The following TPST1 variants were observed in gnomAD, a reference collection of about 807,000 sequenced individuals.
TPST1 encodes tyrosylprotein sulfotransferase 1, also known as protein-tyrosine sulfotransferase 1.
A neutral mutation model predicts 34.8 loss-of-function variants in TPST1; 20 were observed. The observed-to-expected ratio is 0.57, with a 90% CI of 0.40 to 0.84. The LOEUF (loss-of-function observed/expected upper bound fraction) is 0.84. Ranked by LOEUF, TPST1 falls within the 40% of genes least tolerant of loss-of-function variation. The probability of loss-of-function intolerance (pLI) is 0.00; values close to 1 mark genes in which losing one functional copy is unlikely to be tolerated. For synonymous variants in TPST1, 152 were observed against 159.4 expected (o/e 0.95, Z 0.35); for missense variants, 353 against 455.5 (o/e 0.78, Z 2.05).
intron 2 of TPST1, among the ~76,000 whole-genome samples, chr7:66,260,259 A>G (rs780330277): frequency 6.6e-6 from 1 of 152,192 alleles, no homozygotes; most frequent in Non-Finnish European, 1.5e-5. Flanking sequence ...TTTATGTTTC[A>G]TATTACACCT....
intron 2 of TPST1, among the ~76,000 whole-genome samples, chr7:66,262,689 G>A (rs774922097): frequency 1.5e-4 from 23 of 152,232 alleles, no homozygotes; most frequent in Non-Finnish European, 2.8e-4. Flanking sequence ...AGTCTAGGCC[G>A]GGTAGACTTT....
chr7:66,334,870 C>T (rs1243720257), intron 3 of TPST1, among the ~76,000 whole-genome samples: 1 of 152,018 alleles, frequency 6.6e-6, no homozygotes, highest in Non-Finnish European at 1.5e-5. Context: ...TCAGTCTCCT[C>T]ACTGGTCTGG....
chr7:66,356,774 C>A (rs1584265257), intron 4 of TPST1, 51 bp from the exon 5 acceptor site: 1 of 1,612,464 alleles, frequency 6.2e-7, no homozygotes, highest in South Asian at 1.1e-5. Flanking sequence ...GGTCACTTCT[C>A]ATGCTGACCA....
intron 3 of TPST1, among the ~76,000 whole-genome samples, chr7:66,305,439 T>C (rs1791403180): frequency 6.6e-6 from 1 of 152,222 alleles, no homozygotes; most frequent in South Asian, 2.1e-4. Context: ...TAATATCCCG[T>C]TAACTTTCCA....
intron 3 of TPST1, among the ~76,000 whole-genome samples, chr7:66,347,838 C>G (rs1792386934): frequency 6.6e-6 from 1 of 152,136 alleles, no homozygotes; most frequent in South Asian, 2.1e-4. Context: ...TCTTCTTCAA[C>G]TTTCTGAATT....
chr7:66,255,295 G>C, intron 2 of TPST1, among the ~76,000 whole-genome samples: 1 of 152,138 alleles, frequency 6.6e-6, no homozygotes, highest in Non-Finnish European at 1.5e-5. Context: ...CCAGGGTGTT[G>C]CTAAACATCC....
At chr7:66,329,865 A>T (rs930826967) in intron 3 of TPST1, among the ~76,000 whole-genome samples, 1 of 152,206 alleles carries the variant, frequency 6.6e-6, no homozygotes, top group African/African-American at 2.4e-5. Context: ...CAAGTACCTC[A>T]TGTTCTCACT....
intron 3 of TPST1, among the ~76,000 whole-genome samples, chr7:66,349,937 T>G (rs913880060): frequency 6.6e-6 from 1 of 152,200 alleles, no homozygotes; most frequent in Non-Finnish European, 1.5e-5. Flanking sequence ...AGTGCTAACA[T>G]GATACACAGC....
chr7:66,219,050 T>A (rs1326046667), intron 1 of TPST1, among the ~76,000 whole-genome samples: 1 of 145,780 alleles, frequency 6.9e-6, no homozygotes, highest in East Asian at 2.0e-4. Flanking sequence ...CTGGCTAATT[T>A]TTTTTTTTTT....
At chr7:66,319,271 C>T (rs1034496188) in intron 3 of TPST1, among the ~76,000 whole-genome samples, 19 of 152,176 alleles carry the variant, frequency 1.2e-4, no homozygotes, top group African/African-American at 4.1e-4. Flanking sequence ...CTTCTTACCT[C>T]TATCTGCTAG....
At chr7:66,253,415 C>T (rs1011276338) in intron 2 of TPST1, among the ~76,000 whole-genome samples, 1 of 149,052 alleles carries the variant, frequency 6.7e-6, no homozygotes, top group African/African-American at 2.5e-5. Context: ...CTGTTGCCCA[C>T]GCTGGAGTGC....
At chr7:66,359,579 C>T (rs1337887428) in intron 5 of TPST1, 1 of 281,512 alleles carries the variant, frequency 3.6e-6, no homozygotes, top group Non-Finnish European at 7.1e-6. Context: ...AGTGCCCCCA[C>T]AGTAGCAACA....
intron 4 of TPST1, 136 bp downstream of exon 4, chr7:66,352,691 T>C (rs1317075060): frequency 2.3e-5 from 35 of 1,496,720 alleles, no homozygotes; most frequent in South Asian, 2.0e-4. Flanking sequence ...GATAGTGATA[T>C]GTGCTGGGGA....
At chr7:66,263,306 T>C (rs1438989825) in intron 2 of TPST1, among the ~76,000 whole-genome samples, 1 of 152,182 alleles carries the variant, frequency 6.6e-6, no homozygotes, top group African/African-American at 2.4e-5. Context: ...AGGATCAAGA[T>C]TGCTTGTGCA....
At chr7:66,199,294 C>CT in the TPST1 span, among the ~76,000 whole-genome samples, 1,355 of 125,822 alleles carry the variant, frequency 0.011, 52 homozygotes, top group East Asian at 0.053. Flanking sequence ...TCATCTCCTT[C>CT]TTTTTTTTTT....
chr7:66,333,239 T>TCTTTGTA (rs1792031071), intron 3 of TPST1, among the ~76,000 whole-genome samples: 1 of 152,242 alleles, frequency 6.6e-6, no homozygotes, highest in African/African-American at 2.4e-5. Context: ...AATTTACTTT[T>TCTTTGTA]ATATTTGAAT....
intron 3 of TPST1, among the ~76,000 whole-genome samples, chr7:66,325,565 C>A (rs1791847677): frequency 6.6e-6 from 1 of 151,920 alleles, no homozygotes; most frequent in African/African-American, 2.4e-5. Context: ...GTGATTCTCC[C>A]ACCTCACCCT....
chr7:66,341,662 T>C (rs1047704696), intron 3 of TPST1, among the ~76,000 whole-genome samples: 4 of 152,196 alleles, frequency 2.6e-5, no homozygotes, highest in African/African-American at 9.7e-5. Flanking sequence ...AACTCTCATA[T>C]AGAGAACTCC....
chr7:66,286,604 C>G lies in TPST1; in HGVS notation c.939C>G (p.Asp313Glu), dbSNP rs776257782. 6.2e-7 allele frequency: 1 copy of G among 1,610,480 alleles called. No individual in the cohort carries two copies. Among genetic ancestry groups the G allele is most frequent in the Non-Finnish European group, 8.5e-7 (1 of 1,177,782 alleles). The part of the protein sequence containing the change: ...VGKIPPDVLQ[D>E]MAVIAPMLAK... The stretch of plus-strand genomic sequence containing the variant: ...AGATACCGCCAGATGTTTTACAAGA[C>G]ATGGCAGTGATTGCTCCTATGCTTG... Residue 313 changes from aspartate to glutamate, a missense_variant, in exon 3 of 6, where the codon GAC becomes GAG. Asp to Glu is a conservative substitution (Grantham distance 45). Transcript: ENST00000304842.
Sources: gnomAD v4.1 joint callset for allele counts (sites outside exome capture counted in the v4.1 genomes callset) on GRCh38, gnomAD v4.1.1 for gene constraint, MANE v1.5 for transcripts, NCBI Gene and HGNC (gene_info 2026-07-23, HGNC 2026-07-21) for gene names.